The following PHGR1 variants were observed in gnomAD, a reference collection of about 807,000 sequenced individuals.
PHGR1 encodes proline, histidine and glycine rich 1.
PHGR1 carries 3 observed loss-of-function variants against 4.9 expected under a neutral mutation model. The observed-to-expected ratio is 0.61, with a 90% CI of 0.28 to 1.58. The LOEUF is 1.58. Among genes scored for constraint, PHGR1 ranks in the 40% most tolerant of loss-of-function variants. The pLI is 0.11. For synonymous variants in PHGR1, 32 were observed against 46.1 expected, an observed-to-expected ratio of 0.69 and a Z score of 1.24; for missense variants, 81 against 118.7, an observed-to-expected ratio of 0.68 and a Z score of 1.48.
rs113357338 is a variant in PHGR1, at chr15:40,356,070, C to T, written c.19-3C>T. 7.7e-6 allele frequency: 12 copies of T among 1,549,836 alleles called. No individual in the cohort carries two copies. The South Asian group carries it at 1.3e-4, about 17-fold the overall frequency. On this transcript the variant is annotated splice_polypyrimidine_tract_variant and splice_region_variant and intron_variant, in intron 3 of 3. Transcript: ENST00000448599. ...CTGACATTGTTCATTTGACTTTCCACAGGGGCACTGCCACTGTGGGGGGCA... is the reference window on the plus strand; with the variant it reads ...CTGACATTGTTCATTTGACTTTCCATAGGGGCACTGCCACTGTGGGGGGCA...
At chr15:40,353,113 GTGT>G (rs1889231600) in intron 1 of PHGR1, 116 bp from the exon 2 acceptor site, 18 of 185,922 alleles carry the variant, frequency 9.7e-5, no homozygotes, top group South Asian at 2.3e-4. Context: ...TTTGAAGGGT[GTGT>G]GTGTGTGTGT....
chr15:40,353,420 A>G, intron 2 of PHGR1, 153 bp downstream of exon 2: 1 of 920,490 alleles, frequency 1.1e-6, no homozygotes, highest in Non-Finnish European at 1.7e-6. Context: ...GTCCACAATG[A>G]AGACAAGCCC....
At position 40,356,158 on chromosome 15, in the gene PHGR1, C is replaced by T. The variant is rs1404879232; in HGVS notation, c.104C>T (p.Pro35Leu). 1 of 1,534,906 alleles carries T rather than the reference C, an allele frequency of 6.5e-7. No individual in the cohort carries two copies. Among genetic ancestry groups the T allele is most frequent in the African/African-American group, 1.4e-5 (1 of 71,234 alleles). The part of the protein sequence containing the change: ...PGHGPGPCGP[P>L]PHHGPGPCGP... ...CATGGCCCAGGGCCCTGCGGGCCACCCCCCCACCATGGTCCAGGGCCCTGC... is the reference window on the plus strand; with the variant it reads ...CATGGCCCAGGGCCCTGCGGGCCACTCCCCCACCATGGTCCAGGGCCCTGC... The change falls in exon 4 of 4, where the codon CCC becomes CTC. Residue 35 changes from proline to leucine, a missense_variant. Transcript: ENST00000448599.
chr15:40,353,115 G>T (rs1889231675), intron 1 of PHGR1, 117 bp from the exon 2 acceptor site: 6 of 353,246 alleles, frequency 1.7e-5, no homozygotes, highest in Non-Finnish European at 2.4e-5. Context: ...TGAAGGGTGT[G>T]TGTGTGTGTG....
At chr15:40,355,323 T>C (rs1206297572) in intron 3 of PHGR1, among the ~76,000 whole-genome samples, 1 of 152,170 alleles carries the variant, frequency 6.6e-6, no homozygotes, top group Non-Finnish European at 1.5e-5. Flanking sequence ...TTCTTGGGTC[T>C]GGCATCCGCT....
rs558945273 is a variant in PHGR1, at chr15:40,353,645, G to C, written c.10+378G>C. 5.8e-5 allele frequency: 15 copies of C among 260,112 alleles called. No individual in the cohort carries two copies. In the South Asian group the frequency reaches 7.9e-4, roughly 14 times the overall value. The allele number at this position is 260,112 out of a possible 1,614,324, so 16.1% of individuals were successfully genotyped here. ...TCGGCTTCCCTCGAAATGAACAAAA[G>C]ACCGTCCTAGCCTTTAAGAAGTAGC... is the stretch of plus-strand genomic sequence containing the variant. On this transcript the variant is annotated intron_variant, in intron 2 of 3. Transcript: ENST00000448599.
At chr15:40,354,080 C>T (rs1010546697) in intron 2 of PHGR1, among the ~76,000 whole-genome samples, 1 of 152,180 alleles carries the variant, frequency 6.6e-6, no homozygotes. Context: ...TACCTCCTAA[C>T]TGGCGCCACT....
intron 2 of PHGR1, 62 bp downstream of exon 2, chr15:40,353,329 G>A: frequency 6.5e-7 from 1 of 1,548,750 alleles, no homozygotes; most frequent in Non-Finnish European, 8.7e-7. Context: ...GAGCGGTAAA[G>A]GCAGGGACTA....
chr15:40,356,050 A>G (rs1889289104), intron 3 of PHGR1, 23 bp from the exon 4 acceptor site: 3 of 1,547,288 alleles, frequency 1.9e-6, no homozygotes, highest in Admixed American at 2.0e-5. Flanking sequence ...TGACTCTGAC[A>G]TTGTTCATTT....
intron 3 of PHGR1, among the ~76,000 whole-genome samples, chr15:40,355,065 C>T (rs1889269796): frequency 6.6e-6 from 1 of 152,116 alleles, no homozygotes; most frequent in Non-Finnish European, 1.5e-5. Context: ...ACAGTGGGAG[C>T]ATAGCCCCGC....
intron 1 of PHGR1, among the ~76,000 whole-genome samples, chr15:40,352,906 C>A (rs1326780238): frequency 6.6e-6 from 1 of 152,158 alleles, no homozygotes; most frequent in Non-Finnish European, 1.5e-5. Flanking sequence ...CGGATTAACA[C>A]ACAATTGTTG....
intron 1 of PHGR1, among the ~76,000 whole-genome samples, chr15:40,352,906 C>T (rs1326780238): frequency 6.6e-6 from 1 of 152,158 alleles, no homozygotes; most frequent in African/African-American, 2.4e-5. Flanking sequence ...CGGATTAACA[C>T]ACAATTGTTG....
At chr15:40,352,416 G>C (rs1461766868) in intron 1 of PHGR1, among the ~76,000 whole-genome samples, 4 of 152,128 alleles carry the variant, frequency 2.6e-5, no homozygotes, top group Admixed American at 1.3e-4. Flanking sequence ...TGAATGTACT[G>C]TATGTTCACT....
intron 1 of PHGR1, among the ~76,000 whole-genome samples, chr15:40,351,974 T>C (rs1456866448): frequency 6.6e-6 from 1 of 152,144 alleles, no homozygotes; most frequent in East Asian, 1.9e-4. Flanking sequence ...TGACCTCAAA[T>C]GATCCACCCA....
chr15:40,353,440 G>A (rs1390910026), intron 2 of PHGR1, 173 bp downstream of exon 2: 10 of 761,796 alleles, frequency 1.3e-5, no homozygotes, highest in Non-Finnish European at 1.9e-5. Context: ...CTTACATACT[G>A]TAGAACATGT....
intron 1 of PHGR1, among the ~76,000 whole-genome samples, chr15:40,351,301 G>A (rs1287636380): frequency 6.6e-6 from 1 of 152,182 alleles, no homozygotes; most frequent in Non-Finnish European, 1.5e-5. Flanking sequence ...GCCATGCCAG[G>A]CAGCAGGGCT....
chr15:40,355,361 T>C (rs1889276182), intron 3 of PHGR1, among the ~76,000 whole-genome samples: 1 of 152,122 alleles, frequency 6.6e-6, no homozygotes, highest in African/African-American at 2.4e-5. Context: ...TCGCACATAC[T>C]CATGTACACA....
At chr15:40,351,178 C>T (rs7174448) in intron 1 of PHGR1, 116 bp downstream of exon 1, 10,709 of 152,480 alleles carry the variant, frequency 0.07, 588 homozygotes, top group South Asian at 0.29. Flanking sequence ...AATTGGTATC[C>T]GTGCTTCCGT....
rs76936222 is a variant in PHGR1 at position 40,353,264 on chromosome 15, C to G, written c.7C>G (p.Pro3Ala). Residue 3 changes from proline (P) to alanine (A), a missense_variant, in exon 2 of 4, where the codon CCA becomes GCA. Pro to Ala is a conservative substitution (Grantham distance 27, BLOSUM62 -1). Transcript: ENST00000448599. ...CTGCTCTTACTCCAAAAAGATGGAC[C>G]CAGGTAAGCACTGTGGCTGAGAGGC... MD[P>A]GPKGHCHCGG... 6.4e-7 allele frequency: 1 copy of G among 1,551,458 alleles called. No homozygotes were observed. The highest frequency in any genetic ancestry group is 2.4e-5 in the East Asian group (1 of 40,914).
Sources: allele counts gnomAD v4.1 joint callset (sites outside exome capture counted in the v4.1 genomes callset), GRCh38; gene constraint gnomAD v4.1.1; transcripts MANE v1.5; gene names NCBI Gene and HGNC (gene_info 2026-07-23, HGNC 2026-07-21).